The following FBXW8 variants were observed in gnomAD, a reference collection of about 807,000 sequenced individuals.
The protein encoded by FBXW8 is F-box and WD repeat domain containing 8.
A neutral mutation model predicts 65.3 loss-of-function variants in FBXW8; 57 were observed. That is an observed-to-expected ratio of 0.87 (90% CI 0.71 to 1.09). FBXW8 has a LOEUF of 1.09. Among genes scored for constraint, FBXW8 ranks in the 50% least tolerant of loss-of-function variants. The probability of loss-of-function intolerance (pLI) is 0.00; values close to 1 mark genes in which losing one functional copy is unlikely to be tolerated. For synonymous variants in FBXW8, 308 were observed against 330.2 expected (o/e 0.93, Z 0.73); for missense variants, 777 against 814.8 (o/e 0.95, Z 0.57).
intron 5 of FBXW8, chr12:116,978,215 G>A (rs1207111296): frequency 1.3e-5 from 2 of 152,158 alleles, no homozygotes; most frequent in Non-Finnish European, 2.9e-5. Context: ...GTGACCCTCC[G>A]TGGTTTAGCT....
Position 117,028,424 on chromosome 12 carries a change from C to A in FBXW8, c.*252C>A. 1 of 533,132 alleles carries A rather than the reference C, an allele frequency of 1.9e-6. No homozygotes were observed. The highest frequency in any genetic ancestry group is 3.4e-6 in the Non-Finnish European group (1 of 296,724). The allele number at this position is 533,132 out of a possible 1,614,324, so 33.0% of individuals were successfully genotyped here. A position where few individuals can be genotyped will look rare whatever the true frequency, so the allele number is the denominator to read the frequency against. ...GCCTCCTTCCCCACCCAGCTGGCCA[C>A]CCTGGCCTCAGCTCCCTCAGGACGC... is the stretch of plus-strand genomic sequence containing the variant. On this transcript the variant is annotated 3_prime_UTR_variant, in exon 11 of 11. Transcript: ENST00000652555. This position sits in a 1 kb window ranked among gnomAD's most constrained non-coding sequence, Gnocchi z 4.1.
At chr12:116,930,945 C>T (rs1881720938) in intron 2 of FBXW8, among the ~76,000 whole-genome samples, 1 of 152,198 alleles carries the variant, frequency 6.6e-6, no homozygotes, top group East Asian at 1.9e-4. Context: ...GTAGCTGGGA[C>T]TATAGGCTCA....
chr12:117,002,510 A>C (rs555838723), intron 7 of FBXW8: 14 of 152,326 alleles, frequency 9.2e-5, no homozygotes, highest in African/African-American at 3.4e-4. Context: ...GCTGCTGCGA[A>C]GTGCACCTGA....
chr12:117,006,486 C>T (rs2135704276), intron 7 of FBXW8, among the ~76,000 whole-genome samples: 1 of 152,392 alleles, frequency 6.6e-6, no homozygotes, highest in African/African-American at 2.4e-5. Flanking sequence ...GTCCAGGCCA[C>T]ACCTGGATGC....
intron 8 of FBXW8, among the ~76,000 whole-genome samples, chr12:117,023,801 A>C (rs1469422212): frequency 6.6e-6 from 1 of 152,200 alleles, no homozygotes; most frequent in Non-Finnish European, 1.5e-5. Context: ...CCAACAGCAA[A>C]ATTACTGTGC....
intron 2 of FBXW8, among the ~76,000 whole-genome samples, chr12:116,939,405 G>T (rs577572149): frequency 1.1e-4 from 16 of 152,304 alleles, no homozygotes; most frequent in Non-Finnish European, 1.9e-4. Context: ...TATTCAAAGC[G>T]CAAGTTCTGC....
Position 116,931,667 on chromosome 12 carries a change from A to G in FBXW8, c.423+3540A>G, listed in dbSNP as rs145611058. Among the ~76,000 whole-genome samples the G allele has an allele frequency of 1.7e-4, 25 of 151,442 alleles. No homozygotes were observed. In the East Asian group the frequency reaches 4.3e-3, roughly 26 times the overall value. ...TATTTTCTTGATTTCTTTTACAGAT[A>G]GCTTGTTGTTAGTATATAGAAACTC... On this transcript the variant is annotated intron_variant, in intron 2 of 10. Transcript: ENST00000652555.
chr12:116,928,952 G>A (rs1175521745), intron 2 of FBXW8, among the ~76,000 whole-genome samples: 1 of 151,686 alleles, frequency 6.6e-6, no homozygotes, highest in Non-Finnish European at 1.5e-5. Flanking sequence ...CTGGGACTGC[G>A]GGCATGTGCT....
At chr12:117,025,459 C>T (rs1384567449) in intron 9 of FBXW8, among the ~76,000 whole-genome samples, 4 of 152,194 alleles carry the variant, frequency 2.6e-5, no homozygotes, top group African/African-American at 7.2e-5. Context: ...CAAGGTAAAC[C>T]GACCTCTGAG....
intron 1 of FBXW8, among the ~76,000 whole-genome samples, chr12:116,912,254 C>G (rs1306366363): frequency 1.3e-5 from 2 of 150,064 alleles, no homozygotes; most frequent in Non-Finnish European, 3.0e-5. Context: ...CTGTTGCTCT[C>G]CCGGCCCACT....
intron 8 of FBXW8, among the ~76,000 whole-genome samples, chr12:117,019,191 T>C (rs1954029313): frequency 6.6e-6 from 1 of 152,220 alleles, no homozygotes; most frequent in Non-Finnish European, 1.5e-5. Flanking sequence ...AGTCAGGGAC[T>C]GAGCAGCATT....
chr12:116,969,348 A>AT (rs148269991), intron 5 of FBXW8, among the ~76,000 whole-genome samples: 124 of 152,236 alleles, frequency 8.1e-4, no homozygotes, highest in African/African-American at 2.9e-3. Flanking sequence ...TGTTTCTGTG[A>AT]TAAACAACAA....
chr12:116,942,136 C>T (rs1458512677), intron 2 of FBXW8, among the ~76,000 whole-genome samples: 1 of 151,998 alleles, frequency 6.6e-6, no homozygotes, highest in East Asian at 1.9e-4. Context: ...TGAAGCAATC[C>T]TCCTGCCTCA....
chr12:117,024,593 C>G (rs1219209567), intron 9 of FBXW8, among the ~76,000 whole-genome samples: 2 of 152,232 alleles, frequency 1.3e-5, no homozygotes, highest in African/African-American at 4.8e-5. Flanking sequence ...GCCCAGCTTT[C>G]TCTAAGAATG....
rs533964163 is a variant in FBXW8, at chr12:117,029,162, C to G, written c.*990C>G. ...TACACATAGACGATGCACAAAAAAC[C>G]ACCCTGTACGAAGGCCACAAAGAAC... is the stretch of plus-strand genomic sequence containing the variant. On this transcript the variant is annotated 3_prime_UTR_variant, in exon 11 of 11. Coordinates refer to ENST00000652555, the MANE Select transcript of FBXW8 (RefSeq NM_153348.3). 1 of 152,288 alleles carries G rather than the reference C, an allele frequency of 6.6e-6. No homozygotes were observed. The highest frequency in any genetic ancestry group is 2.4e-5 in the African/African-American group (1 of 41,532). The allele number at this position is 152,288 out of a possible 1,614,324, so 9.4% of individuals were successfully genotyped here.
chr12:116,963,739 C>T (rs1245945262), intron 4 of FBXW8, among the ~76,000 whole-genome samples: 1 of 152,142 alleles, frequency 6.6e-6, no homozygotes, highest in African/African-American at 2.4e-5. Context: ...GCAAAGAAAC[C>T]CTGCAGGAAC....
At chr12:116,981,425 A>G (rs1489390036) in intron 5 of FBXW8, among the ~76,000 whole-genome samples, 2 of 152,258 alleles carry the variant, frequency 1.3e-5, no homozygotes, top group African/African-American at 2.4e-5. Context: ...GGATAAATAG[A>G]AATGGCTTTT....
intron 3 of FBXW8, among the ~76,000 whole-genome samples, chr12:116,946,682 G>A (rs925636693): frequency 6.6e-6 from 1 of 152,042 alleles, no homozygotes; most frequent in Non-Finnish European, 1.5e-5. Flanking sequence ...GACAGGTCAC[G>A]CTGGCCCCAC....
At chr12:116,974,988 GC>G (rs921151285) in intron 5 of FBXW8, among the ~76,000 whole-genome samples, 7 of 152,128 alleles carry the variant, frequency 4.6e-5, no homozygotes, top group African/African-American at 1.7e-4. Flanking sequence ...GACAACTTGA[GC>G]AACAAAACAT....
Sources: allele counts gnomAD v4.1 joint callset (sites outside exome capture counted in the v4.1 genomes callset), GRCh38; gene constraint gnomAD v4.1.1; non-coding constraint Gnocchi (gnomAD v3.1); transcripts MANE v1.5; gene names NCBI Gene and HGNC (gene_info 2026-07-23, HGNC 2026-07-21).